The following CDH12 variants were observed in gnomAD, a reference collection of about 807,000 sequenced individuals.
CDH12 encodes the protein cadherin-12.
A neutral mutation model predicts 74.1 loss-of-function variants in CDH12; 41 were observed. The ratio of observed to expected loss-of-function variants is 0.55; its 90% CI spans 0.43 to 0.72. The LOEUF is 0.72. Ranked by LOEUF, CDH12 falls within the 30% of genes least tolerant of loss-of-function variation. The pLI is 0.00. For missense variants in CDH12, 945 were observed against 977.2 expected, an observed-to-expected ratio of 0.97 and a Z score of 0.44; for synonymous variants, 399 against 355.0, an observed-to-expected ratio of 1.12 and a Z score of -1.39.
chr5:21,752,161 C>T lies in CDH12; in HGVS notation c.1961G>A (p.Arg654Lys). 1 of 1,614,052 alleles carries T rather than the reference C, an allele frequency of 6.2e-7. No homozygotes were observed. The highest frequency in any genetic ancestry group is 8.5e-7 in the Non-Finnish European group (1 of 1,179,972). ...DTLMTSKEDI[R>K]DNVIHYDDEG... The stretch of plus-strand genomic sequence containing the variant: ...ATCATCGTAATGGATGACGTTGTCT[C>T]TGATGTCTTCTTTAGAGGTCATCAG... The change falls in exon 15 of 15, where the codon AGA becomes AAA. Residue 654 changes from arginine (R) to lysine (K), a missense_variant. Arg to Lys is a conservative substitution (Grantham distance 26, BLOSUM62 2). Transcript: ENST00000382254.
chr5:21,819,493 G>T (rs1748245202), intron 8 of CDH12, among the ~76,000 whole-genome samples: 1 of 151,952 alleles, frequency 6.6e-6, no homozygotes, highest in South Asian at 2.1e-4. Flanking sequence ...TTGTGTGACT[G>T]TGATGAAGTA....
intron 1 of CDH12, among the ~76,000 whole-genome samples, chr5:22,544,234 A>G (rs1444705797): frequency 2.6e-5 from 4 of 152,082 alleles, no homozygotes; most frequent in Admixed American, 2.6e-4. Context: ...ATGAAATTAG[A>G]CCATGTTCAC....
At chr5:21,834,158 A>G (rs919450237) in intron 8 of CDH12, among the ~76,000 whole-genome samples, 3 of 151,902 alleles carry the variant, frequency 2.0e-5, no homozygotes, top group Non-Finnish European at 4.4e-5. Flanking sequence ...AACATTTTTA[A>G]ATGCTTAGAT....
chr5:22,210,787 T>C (rs892756095), intron 4 of CDH12, among the ~76,000 whole-genome samples: 7 of 151,808 alleles, frequency 4.6e-5, no homozygotes, highest in African/African-American at 7.3e-5. Context: ...AGCAAGTGTG[T>C]GTCCCTGTTT....
chr5:22,295,731 AT>A (rs893190617), intron 3 of CDH12, among the ~76,000 whole-genome samples: 44 of 152,254 alleles, frequency 2.9e-4, no homozygotes, highest in African/African-American at 9.6e-4. Context: ...ATCTGGAGAT[AT>A]GAACTAAACA....
At chr5:22,745,365 T>G (rs534992316) in intron 1 of CDH12, among the ~76,000 whole-genome samples, 1 of 152,190 alleles carries the variant, frequency 6.6e-6, no homozygotes, top group African/African-American at 2.4e-5. Context: ...AACATTGAAG[T>G]TATATAATCT....
chr5:21,959,924 C>CAAA (rs1201352707), intron 6 of CDH12, among the ~76,000 whole-genome samples: 49 of 49,698 alleles, frequency 9.9e-4, no homozygotes, highest in African/African-American at 2.2e-3. Context: ...GGCTCCATCT[C>CAAA]AAAAAAAAAA....
intron 4 of CDH12, among the ~76,000 whole-genome samples, chr5:22,146,423 G>T (rs1231762742): frequency 6.6e-6 from 1 of 152,014 alleles, no homozygotes; most frequent in Non-Finnish European, 1.5e-5. Flanking sequence ...TTTAACAACA[G>T]ACTGAATAAA....
intron 4 of CDH12, among the ~76,000 whole-genome samples, chr5:22,190,650 A>C (rs1486541104): frequency 6.6e-6 from 1 of 152,148 alleles, no homozygotes; most frequent in African/African-American, 2.4e-5. Flanking sequence ...CTCTTTCCAA[A>C]TACTGTCCAT....
At chr5:22,287,499 C>A (rs748699083) in intron 3 of CDH12, among the ~76,000 whole-genome samples, 1 of 151,344 alleles carries the variant, frequency 6.6e-6, no homozygotes, top group Non-Finnish European at 1.5e-5. Context: ...CCGAGGCGGG[C>A]GGATCACAAG....
intron 8 of CDH12, among the ~76,000 whole-genome samples, chr5:21,821,512 A>G (rs1325523995): frequency 6.6e-6 from 1 of 151,898 alleles, no homozygotes; most frequent in South Asian, 2.1e-4. Flanking sequence ...TCTTTATGTA[A>G]CAATAATTCT....
intron 1 of CDH12, among the ~76,000 whole-genome samples, chr5:22,536,464 T>G (rs1737849396): frequency 6.6e-6 from 1 of 152,136 alleles, no homozygotes; most frequent in South Asian, 2.1e-4. Context: ...TGGTGTTGGC[T>G]TGCTGATATT....
intron 1 of CDH12, among the ~76,000 whole-genome samples, chr5:22,551,933 G>A (rs968562885): frequency 1.3e-5 from 2 of 152,020 alleles, no homozygotes; most frequent in Non-Finnish European, 1.5e-5. Flanking sequence ...AATCTTACAT[G>A]ATACACTTTA....
intron 6 of CDH12, among the ~76,000 whole-genome samples, chr5:21,879,246 AAT>A (rs1211910656): frequency 7.9e-5 from 12 of 152,228 alleles, no homozygotes; most frequent in African/African-American, 2.9e-4. Flanking sequence ...AACAAATTAA[AAT>A]ATATATGTCA....
chr5:22,798,350 G>A (rs764688337), intron 1 of CDH12, among the ~76,000 whole-genome samples: 2 of 151,790 alleles, frequency 1.3e-5, no homozygotes, highest in Non-Finnish European at 2.9e-5. Flanking sequence ...TGAACTTACC[G>A]GACTGCTTAA....
chr5:22,456,313 G>A (rs375645407), intron 2 of CDH12, among the ~76,000 whole-genome samples: 11 of 149,708 alleles, frequency 7.3e-5, no homozygotes, highest in African/African-American at 2.2e-4. Context: ...CAATAACCTC[G>A]CAGAATTTCT....
chr5:21,840,579 G>A (rs2149983745), intron 8 of CDH12, among the ~76,000 whole-genome samples: 1 of 152,074 alleles, frequency 6.6e-6, no homozygotes, highest in South Asian at 2.1e-4. Context: ...CAAAGCTGGA[G>A]GCATCACACT....
intron 9 of CDH12, among the ~76,000 whole-genome samples, chr5:21,805,266 A>AT (rs578005261): frequency 1.3e-5 from 2 of 152,022 alleles, no homozygotes; most frequent in East Asian, 1.9e-4. Flanking sequence ...TAAGATCTTA[A>AT]TTTTTTTTCC....
intron 14 of CDH12, among the ~76,000 whole-genome samples, chr5:21,753,634 G>A (rs1269928362): frequency 6.6e-6 from 1 of 151,710 alleles, no homozygotes; most frequent in East Asian, 1.9e-4. Flanking sequence ...ATTGCTCAAG[G>A]AGGTCAAAGA....
Sources: gnomAD v4.1 joint callset for allele counts (sites outside exome capture counted in the v4.1 genomes callset) on GRCh38, gnomAD v4.1.1 for gene constraint, MANE v1.5 for transcripts, NCBI Gene and HGNC (gene_info 2026-07-23, HGNC 2026-07-21) for gene names.